The following CACNA1D variants were observed in gnomAD, a reference collection of about 807,000 sequenced individuals.
The protein encoded by CACNA1D is calcium voltage-gated channel subunit alpha1 D, also known as voltage-dependent L-type calcium channel subunit alpha-1D.
CACNA1D carries 55 observed loss-of-function variants against 257.1 expected under a neutral mutation model. That is an observed-to-expected ratio of 0.21 (90% CI 0.17 to 0.27). The LOEUF (loss-of-function observed/expected upper bound fraction) is 0.27, where lower values mean the gene tolerates loss of function less well. CACNA1D is among the 10% of genes least tolerant of loss of function. The probability of loss-of-function intolerance (pLI) is 1.00; values close to 1 mark genes in which losing one functional copy is unlikely to be tolerated. For missense variants in CACNA1D, 1,876 were observed against 2,784.0 expected, an observed-to-expected ratio of 0.67 and a Z score of 7.34; for synonymous variants, 980 against 1,014.9, an observed-to-expected ratio of 0.97 and a Z score of 0.65.
chr3:53,767,114 C>T (rs893298071), intron 30 of CACNA1D, among the ~76,000 whole-genome samples: 1 of 152,130 alleles, frequency 6.6e-6, no homozygotes, highest in Non-Finnish European at 1.5e-5. Context: ...CCTGAGTGGG[C>T]TTTTCTAGTG....
intron 37 of CACNA1D, among the ~76,000 whole-genome samples, chr3:53,777,993 T>G (rs1025654483): frequency 1.3e-5 from 2 of 152,124 alleles, no homozygotes; most frequent in Admixed American, 6.6e-5. Flanking sequence ...GGGTCAGGCG[T>G]TTTTACCACT....
chr3:53,605,929 C>T (rs2093504338), intron 3 of CACNA1D, among the ~76,000 whole-genome samples: 1 of 152,142 alleles, frequency 6.6e-6, no homozygotes, highest in African/African-American at 2.4e-5. Context: ...AAGTGTCTGC[C>T]CTCTCCCCAG....
chr3:53,718,570 T>TGCCCCCC, intron 10 of CACNA1D, 182 bp downstream of exon 10: 25 of 717,904 alleles, frequency 3.5e-5, no homozygotes, highest in Middle Eastern at 3.7e-4. Context: ...CCTGCACACC[T>TGCCCCCC]CCCCACCCCC....
intron 5 of CACNA1D, among the ~76,000 whole-genome samples, chr3:53,660,614 C>T (rs2094193988): frequency 6.6e-6 from 1 of 152,058 alleles, no homozygotes; most frequent in Non-Finnish European, 1.5e-5. Flanking sequence ...CACGCCTCCA[C>T]TCCCAGGCCT....
Position 53,654,278 on chromosome 3 carries a change from C to T in CACNA1D, c.623+3360C>T, listed in dbSNP as rs546323976. Among the ~76,000 whole-genome samples the T allele has an allele frequency of 3.3e-5, 5 of 152,236 alleles. No homozygotes were observed. The East Asian group carries it at 5.8e-4, about 18-fold the overall frequency. On this transcript the variant is annotated intron_variant, in intron 4 of 47. Transcript: ENST00000350061. The stretch of plus-strand genomic sequence containing the variant: ...TGAAGAGTACCAGAAAGGGTAAATA[C>T]GTGGGTACATATACAGATATTTCTC...
At chr3:53,590,604 A>G (rs975641390) in intron 3 of CACNA1D, among the ~76,000 whole-genome samples, 7 of 152,274 alleles carry the variant, frequency 4.6e-5, no homozygotes, top group African/African-American at 1.7e-4. Flanking sequence ...TTCACAAAAC[A>G]ACTGTGGTCA....
chr3:53,497,219 C>A lies in CACNA1D; in HGVS notation c.135C>A (p.Ser45Arg). The A allele has an allele frequency of 6.2e-7, 1 of 1,614,044 alleles. No homozygotes were observed. Among genetic ancestry groups the A allele is most frequent in the African/African-American group, 1.3e-5 (1 of 74,928 alleles). The change falls in exon 2 of 48, where the codon AGC (serine) becomes AGA (arginine). Residue 45 changes from serine (S) to arginine (R), a missense_variant. Physicochemically the swap from Ser to Arg is moderately radical, Grantham distance 110. Around this residue, in one of 10 missense-constraint regions of CACNA1D, gnomAD observed 143 missense variants for 168.7 expected, o/e 0.85. Transcript: ENST00000350061. Reference protein sequence around the residue: ...SGEGPTSQPNSSKQTVLSWQA... With the variant: ...SGEGPTSQPNRSKQTVLSWQA... The stretch of plus-strand genomic sequence containing the variant: ...AAGGACCAACTTCTCAGCCGAATAG[C>A]TCCAAGCAAACTGTCCTGTCTTGGC...
chr3:53,807,523 G>C (rs1004142746), intron 45 of CACNA1D: 4 of 152,382 alleles, frequency 2.6e-5, no homozygotes, highest in Non-Finnish European at 5.9e-5. Context: ...TGAGGGGCAT[G>C]TGGAGTTTTG....
At chr3:53,509,756 T>C (rs1278603019) in intron 3 of CACNA1D, among the ~76,000 whole-genome samples, 1 of 152,172 alleles carries the variant, frequency 6.6e-6, no homozygotes, top group Non-Finnish European at 1.5e-5. Flanking sequence ...GGCGAGAGGC[T>C]CATGCTCTTT....
chr3:53,617,347 G>A (rs1386122621), intron 3 of CACNA1D, among the ~76,000 whole-genome samples: 2 of 152,168 alleles, frequency 1.3e-5, no homozygotes, highest in Non-Finnish European at 2.9e-5. Flanking sequence ...TTAGTGTTTA[G>A]GCTAAGAGCA....
chr3:53,777,382 C>T (rs2095403720), intron 37 of CACNA1D, among the ~76,000 whole-genome samples: 1 of 152,128 alleles, frequency 6.6e-6, no homozygotes, highest in Non-Finnish European at 1.5e-5. Context: ...TGCTGAGGTC[C>T]AGGAGAATGG....
At chr3:53,639,859 C>CTTTTTTTT (rs34925431) in intron 3 of CACNA1D, among the ~76,000 whole-genome samples, 2 of 102,074 alleles carry the variant, frequency 2.0e-5, no homozygotes, top group Non-Finnish European at 3.8e-5. Context: ...TCATTTCTTA[C>CTTTTTTTT]TTTTTTTTTT....
intron 5 of CACNA1D, among the ~76,000 whole-genome samples, chr3:53,662,236 G>T (rs1434749504): frequency 6.6e-6 from 1 of 152,164 alleles, no homozygotes; most frequent in Non-Finnish European, 1.5e-5. Context: ...TCAGTGAAAG[G>T]TAAATTTATT....
chr3:53,687,242 A>G (rs1260635805), intron 8 of CACNA1D, among the ~76,000 whole-genome samples: 2 of 152,120 alleles, frequency 1.3e-5, no homozygotes, highest in African/African-American at 4.8e-5. Context: ...ATAAATCTCA[A>G]TAGCCTTTCT....
chr3:53,505,115 G>GTTTTTTTTTTTTTTTTTTT (rs35938386), intron 3 of CACNA1D, among the ~76,000 whole-genome samples: 5 of 97,610 alleles, frequency 5.1e-5, no homozygotes, highest in African/African-American at 8.3e-5. Context: ...TTGTTTATTT[G>GTTTTTTTTTTTTTTTTTTT]TTTTTTTTTT....
intron 29 of CACNA1D, among the ~76,000 whole-genome samples, chr3:53,759,182 T>G (rs2095285162): frequency 6.6e-6 from 1 of 152,164 alleles, no homozygotes; most frequent in African/African-American, 2.4e-5. Flanking sequence ...TCAATGAAAT[T>G]GCCAAAAAAT....
chr3:53,750,651 C>T (rs2108872956), intron 27 of CACNA1D, among the ~76,000 whole-genome samples: 1 of 152,308 alleles, frequency 6.6e-6, no homozygotes, highest in South Asian at 2.1e-4. Flanking sequence ...AGAGGAGTGT[C>T]AGAGCAAGGC....
intron 3 of CACNA1D, among the ~76,000 whole-genome samples, chr3:53,564,107 C>G (rs181048535): frequency 9.9e-5 from 15 of 152,132 alleles, no homozygotes; most frequent in African/African-American, 3.4e-4. Context: ...TTAATATAGC[C>G]ATTTAGTTTT....
chr3:53,648,296 A>C (rs1327041129), intron 3 of CACNA1D, among the ~76,000 whole-genome samples: 1 of 152,200 alleles, frequency 6.6e-6, no homozygotes, highest in African/African-American at 2.4e-5. Context: ...AGAACTCTTA[A>C]GTCTCAAACA....
Sources: allele counts gnomAD v4.1 joint callset (sites outside exome capture counted in the v4.1 genomes callset), GRCh38; gene constraint gnomAD v4.1.1; regional missense constraint gnomAD v4.1.1; transcripts MANE v1.5; gene names NCBI Gene and HGNC (gene_info 2026-07-23, HGNC 2026-07-21).